ATXN1: variants seen among roughly 807,000 people sequenced by gnomAD.
ATXN1 encodes ataxin 1.
In ATXN1, 8 loss-of-function variants were observed where a neutral mutation model predicts 56.4. The observed-to-expected ratio is 0.14, with a 90% confidence interval of 0.08 to 0.26. The LOEUF is 0.26. ATXN1 is among the 10% of genes least tolerant of loss of function. The pLI, the probability that ATXN1 is intolerant of heterozygous loss-of-function variation, is 1.00. For synonymous variants in ATXN1, 514 were observed against 494.6 expected, an observed-to-expected ratio of 1.04 and a Z score of -0.52; for missense variants, 987 against 1,106.5, an observed-to-expected ratio of 0.89 and a Z score of 1.53.
intron 5 of ATXN1, among the ~76,000 whole-genome samples, chr6:16,499,516 C>T (rs207466740): frequency 6.6e-6 from 1 of 152,060 alleles, no homozygotes; most frequent in African/African-American, 2.4e-5. Context: ...GGTGCTTTTG[C>T]AAGAACTAAT....
intron 4 of ATXN1, among the ~76,000 whole-genome samples, chr6:16,555,680 T>C (rs990019137): frequency 6.6e-6 from 1 of 152,226 alleles, no homozygotes; most frequent in African/African-American, 2.4e-5. Flanking sequence ...TGCCTTCCAG[T>C]GCTTTCTTTC....
intron 4 of ATXN1, among the ~76,000 whole-genome samples, chr6:16,541,817 C>T (rs538259340): frequency 2.6e-5 from 4 of 152,148 alleles, no homozygotes; most frequent in Admixed American, 2.6e-4. Context: ...TTGTATCCTG[C>T]TAACGTAAAG....
chr6:16,405,561 T>C (rs938787154), intron 6 of ATXN1, among the ~76,000 whole-genome samples: 2 of 152,126 alleles, frequency 1.3e-5, no homozygotes, highest in Admixed American at 6.5e-5. Flanking sequence ...AATAAAACAA[T>C]CTGTTTGAAA....
In ATXN1 at chr6:16,761,444, G is replaced by T. The variant is rs1255905819; in HGVS notation, c.-876C>A. On this transcript the variant is annotated 5_prime_UTR_variant, in exon 1 of 8. Coordinates refer to ENST00000436367, the MANE Select transcript of ATXN1 (RefSeq NM_001128164.2). Reference sequence around the variant, plus strand: ...AGTGAAACAGGTCCTGTACGGCTCCGCCACTGTAGTAGAAATGATGTCTGC... The same window carrying T: ...AGTGAAACAGGTCCTGTACGGCTCCTCCACTGTAGTAGAAATGATGTCTGC... 1 of 456,560 alleles carries T rather than the reference G, an allele frequency of 2.2e-6. No individual in the cohort carries two copies. Among genetic ancestry groups the T allele is most frequent in the South Asian group, 1.5e-5 (1 of 64,994 alleles). The allele number at this position is 456,560 out of a possible 1,614,324, so 28.3% of individuals were successfully genotyped here.
chr6:16,485,525 T>C (rs1382936708), intron 6 of ATXN1: 1 of 152,176 alleles, frequency 6.6e-6, no homozygotes, highest in Non-Finnish European at 1.5e-5. Flanking sequence ...GTCATTTTCA[T>C]CAACTGCACA....
chr6:16,634,342 C>T (rs1023750659), intron 3 of ATXN1, among the ~76,000 whole-genome samples: 3 of 152,090 alleles, frequency 2.0e-5, no homozygotes, highest in Non-Finnish European at 4.4e-5. Flanking sequence ...CTTTTCTGGG[C>T]CTCGGTTTTC....
intron 6 of ATXN1, among the ~76,000 whole-genome samples, chr6:16,446,594 A>G (rs185562033): frequency 6.2e-4 from 95 of 152,192 alleles, no homozygotes; most frequent in African/African-American, 2.2e-3. Flanking sequence ...TGCACACTCC[A>G]TTTTGCTTTA....
At chr6:16,494,688 G>A (rs1165811113) in intron 5 of ATXN1, among the ~76,000 whole-genome samples, 1 of 152,110 alleles carries the variant, frequency 6.6e-6, no homozygotes, top group Admixed American at 6.5e-5. Context: ...TGCATATCAA[G>A]AATAAAATGA....
chr6:16,689,510 C>CTTTTTTTT (rs371753662), intron 2 of ATXN1, among the ~76,000 whole-genome samples: 2 of 126,866 alleles, frequency 1.6e-5, no homozygotes, highest in African/African-American at 2.9e-5. Flanking sequence ...CTTTTTTTTT[C>CTTTTTTTT]TTTTTTTTTT....
intron 6 of ATXN1, among the ~76,000 whole-genome samples, chr6:16,358,686 A>G (rs2113471283): frequency 6.6e-6 from 1 of 152,262 alleles, no homozygotes; most frequent in Admixed American, 6.5e-5. Flanking sequence ...GTGCCACTGC[A>G]GCCACCTGAA....
chr6:16,586,464 G>C lies in ATXN1; in HGVS notation c.-488-557C>G, dbSNP rs147643813. On this transcript the variant is annotated intron_variant, in intron 3 of 7. Coordinates refer to ENST00000436367, the MANE Select transcript of ATXN1 (RefSeq NM_001128164.2). Reference sequence around the variant, plus strand: ...TGTCAGTGATGGCCAAGGTCATCACGAACATTGATTAAACATTTACTATGT... The same window carrying C: ...TGTCAGTGATGGCCAAGGTCATCACCAACATTGATTAAACATTTACTATGT... 5.9e-5 allele frequency among the ~76,000 whole-genome samples: 9 copies of C among 152,216 alleles called. No individual in the cohort carries two copies. The East Asian group carries it at 1.7e-3, about 29-fold the overall frequency.
At chr6:16,596,986 G>A (rs1425467978) in intron 3 of ATXN1, among the ~76,000 whole-genome samples, 1 of 152,214 alleles carries the variant, frequency 6.6e-6, no homozygotes, top group African/African-American at 2.4e-5. Flanking sequence ...CTGATTGGGT[G>A]TCTCGCTGGC....
chr6:16,466,876 T>C (rs1224873641), intron 6 of ATXN1, among the ~76,000 whole-genome samples: 2 of 152,218 alleles, frequency 1.3e-5, no homozygotes, highest in Non-Finnish European at 1.5e-5. Context: ...ACTAATGTTT[T>C]CAATGAAAGG....
intron 4 of ATXN1, among the ~76,000 whole-genome samples, chr6:16,561,936 C>T (rs1034522450): frequency 2.8e-4 from 42 of 151,958 alleles, no homozygotes; most frequent in Non-Finnish European, 1.3e-4. Flanking sequence ...AAGATGTAAA[C>T]AAGGAAGAAA....
chr6:16,461,508 G>A (rs1759995104), intron 6 of ATXN1, among the ~76,000 whole-genome samples: 1 of 152,196 alleles, frequency 6.6e-6, no homozygotes, highest in South Asian at 2.1e-4. Context: ...GGGGAACAAA[G>A]AATAGGTCAC....
At chr6:16,505,524 A>C (rs1760967743) in intron 5 of ATXN1, among the ~76,000 whole-genome samples, 1 of 152,230 alleles carries the variant, frequency 6.6e-6, no homozygotes, top group Admixed American at 6.5e-5. Flanking sequence ...CTAAAATAGA[A>C]AGTTAAATAC....
intron 3 of ATXN1, among the ~76,000 whole-genome samples, chr6:16,634,065 G>T (rs916349868): frequency 6.6e-6 from 1 of 152,130 alleles, no homozygotes; most frequent in Non-Finnish European, 1.5e-5. Context: ...TTAGATGTCT[G>T]GTTTCTTGAT....
At chr6:16,426,248 T>TA (rs1396131390) in intron 6 of ATXN1, among the ~76,000 whole-genome samples, 1 of 145,896 alleles carries the variant, frequency 6.9e-6, no homozygotes, top group Non-Finnish European at 1.5e-5. Context: ...CAGGGCTTAT[T>TA]AACACAAAAG....
intron 4 of ATXN1, among the ~76,000 whole-genome samples, chr6:16,579,429 G>A (rs1391458868): frequency 7.7e-6 from 1 of 129,668 alleles, no homozygotes; most frequent in African/African-American, 2.6e-5. Flanking sequence ...AACCACTCAT[G>A]TTACAGATGG....
Sources: gnomAD v4.1 joint callset for allele counts (sites outside exome capture counted in the v4.1 genomes callset) on GRCh38, gnomAD v4.1.1 for gene constraint, MANE v1.5 for transcripts, NCBI Gene and HGNC (gene_info 2026-07-23, HGNC 2026-07-21) for gene names.